CLSTN2: variants seen among roughly 807,000 people sequenced by gnomAD.
CLSTN2 encodes the protein calsyntenin 2, also known as calsyntenin-2.
A neutral mutation model predicts 101.2 loss-of-function variants in CLSTN2; 48 were observed. The observed-to-expected ratio is 0.47, with a 90% CI of 0.38 to 0.60. The LOEUF (loss-of-function observed/expected upper bound fraction) is 0.60, where lower values mean the gene tolerates loss of function less well. Among genes scored for constraint, CLSTN2 ranks in the 20% least tolerant of loss-of-function variants. The pLI is 0.00. For synonymous variants in CLSTN2, 481 were observed against 463.6 expected, an observed-to-expected ratio of 1.04 and a Z score of -0.48; for missense variants, 1,160 against 1,238.2, an observed-to-expected ratio of 0.94 and a Z score of 0.95.
At chr3:140,398,153 T>A (rs755693543) in intron 2 of CLSTN2, among the ~76,000 whole-genome samples, 43 of 152,194 alleles carry the variant, frequency 2.8e-4, no homozygotes, top group Non-Finnish European at 5.3e-4. Flanking sequence ...TGTCATTTTA[T>A]GAAAAAAGGT....
At chr3:140,493,022 A>AT (rs138375542) in intron 8 of CLSTN2, among the ~76,000 whole-genome samples, 5 of 152,108 alleles carry the variant, frequency 3.3e-5, no homozygotes, top group Non-Finnish European at 7.4e-5. Flanking sequence ...GGAGGTTTTT[A>AT]TTTTTTTCAC....
chr3:140,111,023 A>G (rs776960023), intron 1 of CLSTN2, among the ~76,000 whole-genome samples: 32 of 152,182 alleles, frequency 2.1e-4, no homozygotes, highest in Non-Finnish European at 2.4e-4. Context: ...CCATTCTCCT[A>G]TTGTTCTCAG....
chr3:140,240,269 TATACACATATATAC>T (rs1559816280), intron 2 of CLSTN2, among the ~76,000 whole-genome samples: 1 of 79,888 alleles, frequency 1.3e-5, no homozygotes, highest in Non-Finnish European at 2.5e-5. Context: ...TATACACATA[TATACACATATATAC>T]ATATATACAC....
chr3:140,518,873 T>C (rs1934972745), intron 8 of CLSTN2, among the ~76,000 whole-genome samples: 1 of 152,210 alleles, frequency 6.6e-6, no homozygotes, highest in South Asian at 2.1e-4. Flanking sequence ...TTTCTTGTCT[T>C]CTGCTAGCTT....
At chr3:140,089,718 C>T (rs1156277635) in intron 1 of CLSTN2, among the ~76,000 whole-genome samples, 1 of 151,458 alleles carries the variant, frequency 6.6e-6, no homozygotes, top group East Asian at 1.9e-4. Context: ...TCTTGTGATC[C>T]TCCCACCTTA....
At chr3:139,938,362 C>A (rs1252114955) in intron 1 of CLSTN2, among the ~76,000 whole-genome samples, 2 of 152,116 alleles carry the variant, frequency 1.3e-5, no homozygotes, top group Non-Finnish European at 2.9e-5. Context: ...GCTTGTTCTG[C>A]CTTTGTGCTT....
At chr3:140,337,788 T>C (rs2087457261) in intron 2 of CLSTN2, among the ~76,000 whole-genome samples, 1 of 152,212 alleles carries the variant, frequency 6.6e-6, no homozygotes, top group South Asian at 2.1e-4. Context: ...AGCTGATTAT[T>C]TAATCAGCAA....
chr3:140,383,085 G>A (rs2088004172), intron 2 of CLSTN2, among the ~76,000 whole-genome samples: 1 of 152,146 alleles, frequency 6.6e-6, no homozygotes, highest in Non-Finnish European at 1.5e-5. Flanking sequence ...AAGCATTCAA[G>A]CATATTTCAC....
At chr3:140,562,451 AT>A (rs1402511041) in intron 13 of CLSTN2, 143 bp downstream of exon 13, 6 of 821,074 alleles carry the variant, frequency 7.3e-6, no homozygotes, top group Non-Finnish European at 9.3e-6. Context: ...TCAAGCATGG[AT>A]TTCTAGACCC....
chr3:140,522,599 A>C (rs1489798801), intron 8 of CLSTN2, among the ~76,000 whole-genome samples: 3 of 152,204 alleles, frequency 2.0e-5, no homozygotes, highest in Non-Finnish European at 2.9e-5. Flanking sequence ...AAAATAAGGT[A>C]ACACACTCCT....
intron 1 of CLSTN2, among the ~76,000 whole-genome samples, chr3:140,136,427 T>C (rs1273797900): frequency 6.6e-6 from 1 of 152,220 alleles, no homozygotes. Flanking sequence ...CGGATTAAGA[T>C]GAAAATTAGT....
intron 1 of CLSTN2, among the ~76,000 whole-genome samples, chr3:139,992,519 A>T (rs559685457): frequency 3.3e-5 from 5 of 152,098 alleles, no homozygotes; most frequent in Non-Finnish European, 4.4e-5. Context: ...CTCTAGTGCT[A>T]TTTTTCCTGT....
At chr3:139,937,078 T>C (rs1284284057) in intron 1 of CLSTN2, among the ~76,000 whole-genome samples, 2 of 151,234 alleles carry the variant, frequency 1.3e-5, no homozygotes, top group East Asian at 1.9e-4. Context: ...ATAGACACTT[T>C]GTTAAACAGG....
At chr3:140,271,526 T>C (rs534808926) in intron 2 of CLSTN2, among the ~76,000 whole-genome samples, 4 of 152,256 alleles carry the variant, frequency 2.6e-5, no homozygotes, top group Admixed American at 2.6e-4. Flanking sequence ...TGAGGGCCCA[T>C]TTCTTATAGA....
At chr3:140,495,963 A>G (rs1489538018) in intron 8 of CLSTN2, among the ~76,000 whole-genome samples, 2 of 152,176 alleles carry the variant, frequency 1.3e-5, no homozygotes, top group East Asian at 3.8e-4. Flanking sequence ...TTTTGGCTCC[A>G]TATGAATTTT....
rs1934147988 is a variant in CLSTN2 at position 140,482,734 on chromosome 3, G to T, written c.1344+16003G>T. Among the ~76,000 whole-genome samples, 3 of 152,278 alleles carry T rather than the reference G, an allele frequency of 2.0e-5. No homozygotes were observed. In the South Asian group the frequency reaches 6.2e-4, roughly 32 times the overall value. Reference sequence around the variant, plus strand: ...GATTTTCTAGTTTATTTGCATAGAGGTGTTTATAGTATTCTCTGATGGTAG... The same window carrying T: ...GATTTTCTAGTTTATTTGCATAGAGTTGTTTATAGTATTCTCTGATGGTAG... On this transcript the variant is annotated intron_variant, in intron 8 of 16. Coordinates refer to ENST00000458420, the MANE Select transcript of CLSTN2 (RefSeq NM_022131.3).
chr3:140,468,146 G>A (rs934017421), intron 8 of CLSTN2, among the ~76,000 whole-genome samples: 3 of 152,224 alleles, frequency 2.0e-5, no homozygotes, highest in Non-Finnish European at 4.4e-5. Flanking sequence ...GGCAGGAATT[G>A]TGAAATCTTG....
In CLSTN2 at chr3:140,509,506, T is replaced by C. The variant is rs1328209720; in HGVS notation, c.1345-22818T>C. On this transcript the variant is annotated intron_variant, in intron 8 of 16. Transcript: ENST00000458420. ...AGGCATCCTGCTGAAAGAAGCCTGATGGACTGTTAAATGAGGCTTTTCCAA... is the reference window on the plus strand; with the variant it reads ...AGGCATCCTGCTGAAAGAAGCCTGACGGACTGTTAAATGAGGCTTTTCCAA... 2.0e-5 allele frequency among the ~76,000 whole-genome samples: 3 copies of C among 152,206 alleles called. No individual in the cohort carries two copies. In the East Asian group the frequency reaches 5.8e-4, roughly 29 times the overall value.
In CLSTN2 at chr3:140,044,920, G is replaced by A. The variant is rs181145976; in HGVS notation, c.109+109437G>A. Among the ~76,000 whole-genome samples, 5 of 152,306 alleles carry A rather than the reference G, an allele frequency of 3.3e-5. No homozygotes were observed. The East Asian group carries it at 9.6e-4, about 29-fold the overall frequency. ...GGATAAGCTTTTTGATGTGCTGCTG[G>A]ATTCGGTTTGCCAATATTTTATTGA... On this transcript the variant is annotated intron_variant, in intron 1 of 16. Coordinates refer to ENST00000458420, the MANE Select transcript of CLSTN2 (RefSeq NM_022131.3).
Sources: allele counts gnomAD v4.1 joint callset (sites outside exome capture counted in the v4.1 genomes callset), GRCh38; gene constraint gnomAD v4.1.1; transcripts MANE v1.5; gene names NCBI Gene and HGNC (gene_info 2026-07-23, HGNC 2026-07-21).